Variants in CCBE1 observed in about 807,000 individuals in gnomAD.
CCBE1 encodes the protein collagen and calcium-binding EGF domain-containing protein 1.
CCBE1 carries 37 observed loss-of-function variants against 50.0 expected under a neutral mutation model. The ratio of observed to expected loss-of-function variants is 0.74; its 90% confidence interval spans 0.57 to 0.97. The LOEUF (loss-of-function observed/expected upper bound fraction) is 0.97, where lower values mean the gene tolerates loss of function less well. Ranked by LOEUF, CCBE1 falls within the 50% of genes least tolerant of loss-of-function variation. The pLI, the probability that CCBE1 is intolerant of heterozygous loss-of-function variation, is 0.00. For synonymous variants in CCBE1, 234 were observed against 203.7 expected, an observed-to-expected ratio of 1.15 and a Z score of -1.27; for missense variants, 538 against 523.8, an observed-to-expected ratio of 1.03 and a Z score of -0.26.
chr18:59,677,494 A>G (rs981495209), intron 2 of CCBE1, among the ~76,000 whole-genome samples: 4 of 152,202 alleles, frequency 2.6e-5, no homozygotes, highest in Admixed American at 6.5e-5. Flanking sequence ...GAGGCTCAAA[A>G]GATACATTTC....
chr18:59,672,582 C>T (rs1237940370), intron 2 of CCBE1, among the ~76,000 whole-genome samples: 1 of 152,190 alleles, frequency 6.6e-6, no homozygotes, highest in African/African-American at 2.4e-5. Context: ...AGACCTCAGA[C>T]ACAAGAGTGA....
At chr18:59,511,579 C>A (rs987865732) in intron 2 of CCBE1, among the ~76,000 whole-genome samples, 3 of 152,190 alleles carry the variant, frequency 2.0e-5, no homozygotes, top group African/African-American at 7.2e-5. Flanking sequence ...GTGGGATATC[C>A]ATCACCTTAA....
intron 2 of CCBE1, among the ~76,000 whole-genome samples, chr18:59,488,908 T>C (rs1363342801): frequency 3.3e-5 from 5 of 151,060 alleles, no homozygotes; most frequent in South Asian, 2.1e-4. Context: ...AGACACTGAG[T>C]GCTGCAAGCA....
chr18:59,610,418 C>T (rs1327339756), intron 2 of CCBE1, among the ~76,000 whole-genome samples: 2 of 151,902 alleles, frequency 1.3e-5, no homozygotes, highest in Non-Finnish European at 2.9e-5. Context: ...CCTCCTGCCC[C>T]CCAAATACCC....
intron 2 of CCBE1, among the ~76,000 whole-genome samples, chr18:59,494,587 T>C (rs1226485665): frequency 6.6e-6 from 1 of 151,872 alleles, no homozygotes; most frequent in African/African-American, 2.4e-5. Flanking sequence ...ATATACAGAA[T>C]AAAAAAATCA....
At chr18:59,579,318 G>A (rs946194394) in intron 2 of CCBE1, among the ~76,000 whole-genome samples, 4 of 152,050 alleles carry the variant, frequency 2.6e-5, no homozygotes, top group East Asian at 3.9e-4. Context: ...CAGACAGGAC[G>A]TGGATCATGC....
chr18:59,654,367 C>T (rs189286125), intron 2 of CCBE1, among the ~76,000 whole-genome samples: 6 of 152,284 alleles, frequency 3.9e-5, no homozygotes, highest in South Asian at 2.1e-4. Context: ...GAATCATGCC[C>T]GTAATCCTAG....
intron 2 of CCBE1, among the ~76,000 whole-genome samples, chr18:59,565,592 A>G (rs1374076686): frequency 6.6e-6 from 1 of 152,180 alleles, no homozygotes; most frequent in Non-Finnish European, 1.5e-5. Context: ...TGCCTGGCCC[A>G]GTGCAAGATG....
At chr18:59,561,004 C>T (rs759573647) in intron 2 of CCBE1, among the ~76,000 whole-genome samples, 17 of 152,216 alleles carry the variant, frequency 1.1e-4, no homozygotes, top group Admixed American at 5.2e-4. Context: ...ATAGGAAGAG[C>T]GTCCCCCCAT....
chr18:59,543,642 T>C (rs1273953288), intron 2 of CCBE1, among the ~76,000 whole-genome samples: 3 of 152,146 alleles, frequency 2.0e-5, no homozygotes, highest in African/African-American at 7.2e-5. Context: ...GAGAACATCC[T>C]GGCTAACAGG....
intron 2 of CCBE1, 83 bp from the exon 3 acceptor site, chr18:59,480,321 A>G (rs1480502080): frequency 1.2e-5 from 13 of 1,090,194 alleles, no homozygotes; most frequent in African/African-American, 9.4e-5. Context: ...GAATGAAATA[A>G]CTTGTGCCCA....
intron 3 of CCBE1, among the ~76,000 whole-genome samples, chr18:59,470,216 G>A (rs1911965172): frequency 6.6e-6 from 1 of 152,186 alleles, no homozygotes; most frequent in Non-Finnish European, 1.5e-5. Context: ...GGTGAATGAG[G>A]AGCAAAGCTG....
rs886054056 is a variant in CCBE1 at position 59,433,857 on chromosome 18, G to A, written c.*2051C>T. The A allele has an allele frequency of 7.2e-6, 1 of 137,946 alleles. No homozygotes were observed. The highest frequency in any genetic ancestry group is 1.5e-5 in the Non-Finnish European group (1 of 66,206). The allele number at this position is 137,946 out of a possible 1,614,324, so 8.5% of individuals were successfully genotyped here. On this transcript the variant is annotated 3_prime_UTR_variant, in exon 11 of 11. Coordinates refer to ENST00000439986, the MANE Select transcript of CCBE1 (RefSeq NM_133459.4). ...TCCGCCCGCCTCGGCCTCCCAAAGT[G>A]CTGGGATTACAGGCATGAGCCACCA...
In CCBE1 at chr18:59,469,631, A is replaced by G. The variant is rs753859796; in HGVS notation, c.266-24T>C. 12 of 1,613,546 alleles carry G rather than the reference A, an allele frequency of 7.4e-6. No individual in the cohort carries two copies. The Admixed American group carries it at 2.0e-4, about 27-fold the overall frequency. On this transcript the variant is annotated intron_variant, in intron 3 of 10. Transcript: ENST00000439986. ...ATCTGAAAAAGCAAAGTGAGAGCTC[A>G]CATCAACTACAGGAGGAGGCGGAGT...
At chr18:59,593,977 C>A (rs555549374) in intron 2 of CCBE1, among the ~76,000 whole-genome samples, 1 of 152,328 alleles carries the variant, frequency 6.6e-6, no homozygotes, top group Middle Eastern at 3.4e-3. Flanking sequence ...ATTCAAGAAC[C>A]ATGTCCCCCT....
At chr18:59,597,949 G>C (rs2053378755) in intron 2 of CCBE1, among the ~76,000 whole-genome samples, 1 of 152,178 alleles carries the variant, frequency 6.6e-6, no homozygotes, top group South Asian at 2.1e-4. Context: ...TCAAAGAACA[G>C]AGCTTGGAGA....
intron 7 of CCBE1, among the ~76,000 whole-genome samples, chr18:59,441,832 A>G (rs921779020): frequency 1.6e-4 from 25 of 152,246 alleles, no homozygotes; most frequent in African/African-American, 5.8e-4. Context: ...GGAAGATAAA[A>G]TGAAGCATCC....
Position 59,589,777 on chromosome 18 carries a change from C to G in CCBE1, c.212+106852G>C, listed in dbSNP as rs143428199. 6.5e-3 allele frequency among the ~76,000 whole-genome samples: 758 copies of G among 116,012 alleles called. 8 individuals are homozygous for G. Among genetic ancestry groups the G allele is most frequent in the African/African-American group, 0.025 (710 of 28,410 alleles). 76.1% of individuals were successfully genotyped at this position (116,012 alleles called of 152,430 possible). On this transcript the variant is annotated intron_variant, in intron 2 of 10. Transcript: ENST00000439986. ...TTGCGCCACTGCCAGGGCGACAGAG[C>G]GAGACTCCATCTCAAAAAAAAAAAA...
intron 2 of CCBE1, among the ~76,000 whole-genome samples, chr18:59,518,045 G>T (rs1914449258): frequency 6.7e-6 from 1 of 148,554 alleles, no homozygotes. Context: ...CCATTCCTAG[G>T]CCCTTGGTGA....
Sources: gnomAD v4.1 joint callset for allele counts (sites outside exome capture counted in the v4.1 genomes callset) on GRCh38, gnomAD v4.1.1 for gene constraint, MANE v1.5 for transcripts, NCBI Gene and HGNC (gene_info 2026-07-23, HGNC 2026-07-21) for gene names.